RABEP1: variants seen among roughly 807,000 people sequenced by gnomAD.
RABEP1 encodes the protein rab GTPase-binding effector protein 1.
A neutral mutation model predicts 123.4 loss-of-function variants in RABEP1; 51 were observed. That is an observed-to-expected ratio of 0.41 (90% CI 0.33 to 0.52). The LOEUF is 0.52. RABEP1 is among the 20% of genes least tolerant of loss of function. The probability of loss-of-function intolerance (pLI) is 0.16; values close to 1 mark genes in which losing one functional copy is unlikely to be tolerated. For missense variants in RABEP1, 888 were observed against 996.3 expected, an observed-to-expected ratio of 0.89 and a Z score of 1.46; for synonymous variants, 347 against 355.2, an observed-to-expected ratio of 0.98 and a Z score of 0.26.
intron 1 of RABEP1, among the ~76,000 whole-genome samples, chr17:5,307,651 GT>G (rs1201657735): frequency 6.6e-6 from 1 of 152,170 alleles, no homozygotes; most frequent in Non-Finnish European, 1.5e-5. Context: ...GAGATCAGGG[GT>G]TTGCACAGCT....
intron 1 of RABEP1, among the ~76,000 whole-genome samples, chr17:5,296,005 C>G (rs1461888886): frequency 6.6e-6 from 1 of 152,182 alleles, no homozygotes; most frequent in African/African-American, 2.4e-5. Context: ...TGTTTCCTCT[C>G]TAATTCCTTT....
chr17:5,288,492 T>C (rs1046283298), intron 1 of RABEP1, among the ~76,000 whole-genome samples: 1 of 152,044 alleles, frequency 6.6e-6, no homozygotes, highest in African/African-American at 2.4e-5. Flanking sequence ...ACCTCCCAGG[T>C]TCAAGTGATT....
intron 2 of RABEP1, among the ~76,000 whole-genome samples, chr17:5,317,626 GAT>G (rs56165368): frequency 2.5e-4 from 38 of 149,604 alleles, no homozygotes; most frequent in Non-Finnish European, 3.1e-4. Flanking sequence ...TACTGGAAAG[GAT>G]ATATATATAT....
In RABEP1 at chr17:5,377,158, A is replaced by C. The variant is rs1911056633; in HGVS notation, c.2068A>C (p.Asn690His). Reference protein sequence around the residue: ...LVLKYREDIINVRTAADHVEE... With the variant: ...LVLKYREDIIHVRTAADHVEE... ...ATTAAAATACCGTGAGGACATCATT[A>C]ATGTGCGGACAGCAGCAGACCACGT... Residue 690 changes from asparagine (N) to histidine (H), a missense_variant, in exon 14 of 18, where the codon AAT (asparagine) becomes CAT (histidine). Asn to His is a moderately conservative substitution (Grantham distance 68, BLOSUM62 1). Transcript: ENST00000537505. The C allele has an allele frequency of 6.2e-7, 1 of 1,608,134 alleles. No individual in the cohort carries two copies.
intron 9 of RABEP1, 99 bp downstream of exon 9, chr17:5,361,774 G>C (rs1597385128): frequency 2.9e-6 from 3 of 1,022,316 alleles, no homozygotes; most frequent in Non-Finnish European, 4.2e-6. Context: ...CCTGGAGTCA[G>C]TGCAGGCACA....
At chr17:5,339,406 G>A (rs1907377490) in intron 5 of RABEP1, among the ~76,000 whole-genome samples, 1 of 152,144 alleles carries the variant, frequency 6.6e-6, no homozygotes, top group Non-Finnish European at 1.5e-5. Flanking sequence ...CTACTTGAGA[G>A]GCTGAGATGG....
chr17:5,381,673 T>C (rs998697063), intron 17 of RABEP1, 168 bp downstream of exon 17: 3 of 1,223,528 alleles, frequency 2.5e-6, no homozygotes, highest in Non-Finnish European at 3.2e-6. Context: ...CCTGGTGTGT[T>C]CTTCACACTT....
intron 1 of RABEP1, among the ~76,000 whole-genome samples, chr17:5,300,396 A>G (rs796130994): frequency 9.8e-5 from 15 of 152,298 alleles, no homozygotes; most frequent in African/African-American, 3.4e-4. Flanking sequence ...GGAAGAGCAC[A>G]TGGGTAAAGT....
At chr17:5,354,035 C>G (rs756450188) in intron 7 of RABEP1, among the ~76,000 whole-genome samples, 46 of 151,994 alleles carry the variant, frequency 3.0e-4, no homozygotes, top group Non-Finnish European at 5.7e-4. Context: ...AAGGAATGTT[C>G]TGTGTAAATT....
At position 5,373,545 on chromosome 17, in the gene RABEP1, T is replaced by C. The variant is rs536717946; in HGVS notation, c.2025+91T>C. 285 of 1,353,430 alleles carry C rather than the reference T, an allele frequency of 2.1e-4. 4 individuals carry two copies. In the South Asian group the frequency reaches 3.7e-3, roughly 17 times the overall value. The allele number at this position is 1,353,430 out of a possible 1,614,324, so 83.8% of individuals were successfully genotyped here. A position where few individuals can be genotyped will look rare whatever the true frequency, so the allele number is the denominator to read the frequency against. The stretch of plus-strand genomic sequence containing the variant: ...TTATGTAAACAGTTTTATTCAGATA[T>C]AATTCACGTGCCAATTCAACCATTT... On this transcript the variant is annotated intron_variant, in intron 13 of 17. Coordinates refer to ENST00000537505, the MANE Select transcript of RABEP1 (RefSeq NM_004703.6).
intron 2 of RABEP1, among the ~76,000 whole-genome samples, chr17:5,316,211 G>T (rs1448796603): frequency 2.0e-5 from 3 of 152,132 alleles, no homozygotes; most frequent in Non-Finnish European, 4.4e-5. Flanking sequence ...ATCACTTTGG[G>T]AGGCCGAGGC....
At chr17:5,325,998 A>G (rs1425210769) in intron 2 of RABEP1, among the ~76,000 whole-genome samples, 1 of 152,198 alleles carries the variant, frequency 6.6e-6, no homozygotes, top group Non-Finnish European at 1.5e-5. Context: ...CCGATACCAA[A>G]AAATGCTGGT....
At position 5,363,862 on chromosome 17, in the gene RABEP1, A is replaced by G. The variant is rs185123378; in HGVS notation, c.1668+846A>G. Among the ~76,000 whole-genome samples the G allele has an allele frequency of 8.4e-3, 1,256 of 148,750 alleles. 19 individuals carry two copies. Among genetic ancestry groups the G allele is most frequent in the African/African-American group, 0.029 (1,182 of 40,250 alleles). ...AAATCTTCAGTACTTTTTCAAGTGCAGTGTTTAATAATGGGCACCTTGATA... is the reference window on the plus strand; with the variant it reads ...AAATCTTCAGTACTTTTTCAAGTGCGGTGTTTAATAATGGGCACCTTGATA... On this transcript the variant is annotated intron_variant, in intron 10 of 17. Transcript: ENST00000537505.
At chr17:5,377,698 T>C (rs1227457702) in intron 14 of RABEP1, among the ~76,000 whole-genome samples, 2 of 151,994 alleles carry the variant, frequency 1.3e-5, no homozygotes, top group East Asian at 3.8e-4. Context: ...CCAGCTAATT[T>C]TGTATTTTTA....
chr17:5,354,981 A>G (rs951920597), intron 8 of RABEP1, among the ~76,000 whole-genome samples: 4 of 152,212 alleles, frequency 2.6e-5, no homozygotes, highest in African/African-American at 9.6e-5. Flanking sequence ...TGGGTAGAGT[A>G]GAGAGACCTG....
At chr17:5,285,383 C>G (rs972619285) in intron 1 of RABEP1, among the ~76,000 whole-genome samples, 1 of 150,816 alleles carries the variant, frequency 6.6e-6, no homozygotes, top group Non-Finnish European at 1.5e-5. Flanking sequence ...ATTCTCCCAT[C>G]TTGGCCTCTC....
intron 2 of RABEP1, among the ~76,000 whole-genome samples, chr17:5,314,296 G>A (rs1305422170): frequency 8.4e-6 from 1 of 119,496 alleles, no homozygotes; most frequent in African/African-American, 3.1e-5. Flanking sequence ...AGGCTGGAGT[G>A]CAGTGGCACG....
chr17:5,290,527 A>G (rs563806638), intron 1 of RABEP1, among the ~76,000 whole-genome samples: 8 of 152,206 alleles, frequency 5.3e-5, no homozygotes, highest in Non-Finnish European at 1.0e-4. Flanking sequence ...AAGAGAGCAT[A>G]TATCATTAAC....
At chr17:5,314,986 C>G (rs2075282587) in intron 2 of RABEP1, among the ~76,000 whole-genome samples, 1 of 152,130 alleles carries the variant, frequency 6.6e-6, no homozygotes, top group Non-Finnish European at 1.5e-5. Flanking sequence ...AACAAAAGGC[C>G]ATATAGTTTT....
Sources: allele counts gnomAD v4.1 joint callset (sites outside exome capture counted in the v4.1 genomes callset), GRCh38; gene constraint gnomAD v4.1.1; transcripts MANE v1.5; gene names NCBI Gene and HGNC (gene_info 2026-07-23, HGNC 2026-07-21).